The following EPB41L4A variants were observed in gnomAD, a reference collection of about 807,000 sequenced individuals.
EPB41L4A encodes the protein erythrocyte membrane protein band 4.1 like 4A.
In EPB41L4A, 100 loss-of-function variants were observed where a neutral mutation model predicts 108.6. The observed-to-expected ratio is 0.92, with a 90% CI of 0.78 to 1.09. The LOEUF is 1.09. Among genes scored for constraint, EPB41L4A ranks in the 50% least tolerant of loss-of-function variants. The probability of loss-of-function intolerance (pLI) is 0.00; values close to 1 mark genes in which losing one functional copy is unlikely to be tolerated. For missense variants in EPB41L4A, 1,030 were observed against 842.7 expected (o/e 1.22, Z -2.75); for synonymous variants, 319 against 289.0 (o/e 1.10, Z -1.05).
chr5:112,234,788 AAAACC>A, intron 11 of EPB41L4A, 33 bp from the exon 12 acceptor site: 1 of 1,593,908 alleles, frequency 6.3e-7, no homozygotes, highest in Non-Finnish European at 8.6e-7. Context: ...TAGCAAAGGT[AAAACC>A]ACACAGCCAC....
chr5:112,286,421 C>T (rs1580610487), intron 2 of EPB41L4A, among the ~76,000 whole-genome samples: 1 of 152,176 alleles, frequency 6.6e-6, no homozygotes, highest in Non-Finnish European at 1.5e-5. Flanking sequence ...CAGAATCCTA[C>T]ATTTTATTCC....
chr5:112,254,665 A>G (rs1580538582), intron 9 of EPB41L4A, among the ~76,000 whole-genome samples: 4 of 152,072 alleles, frequency 2.6e-5, no homozygotes, highest in Admixed American at 2.6e-4. Context: ...ACATCTCCAG[A>G]GGGAATAGGC....
intron 1 of EPB41L4A, among the ~76,000 whole-genome samples, chr5:112,308,353 A>G (rs1027435768): frequency 6.6e-6 from 1 of 152,190 alleles, no homozygotes; most frequent in Non-Finnish European, 1.5e-5. Flanking sequence ...GAAAATTGCC[A>G]GGATGCGTTT....
At chr5:112,183,249 C>G (rs1213327774) in intron 18 of EPB41L4A, 1 of 152,260 alleles carries the variant, frequency 6.6e-6, no homozygotes. Flanking sequence ...ACCCAACATC[C>G]TTTCATTTCC....
At chr5:112,282,906 A>G (rs1160374550) in intron 2 of EPB41L4A, among the ~76,000 whole-genome samples, 1 of 151,954 alleles carries the variant, frequency 6.6e-6, no homozygotes, top group East Asian at 1.9e-4. Flanking sequence ...TTTTTGATTC[A>G]TTTTGTTTTG....
chr5:112,195,384 T>C (rs1347582786), intron 16 of EPB41L4A, among the ~76,000 whole-genome samples: 1 of 150,650 alleles, frequency 6.6e-6, no homozygotes, highest in African/African-American at 2.4e-5. Context: ...ACTAGATAAA[T>C]AGAGTTGTTG....
chr5:112,254,145 C>A (rs1444239062), intron 9 of EPB41L4A, among the ~76,000 whole-genome samples: 4 of 152,176 alleles, frequency 2.6e-5, no homozygotes, highest in Non-Finnish European at 5.9e-5. Context: ...TTTATTCATT[C>A]TTTCATTTAT....
chr5:112,155,857 A>G (rs1213984136), intron 12 of EPB41L4A, among the ~76,000 whole-genome samples: 3 of 152,186 alleles, frequency 2.0e-5, no homozygotes, highest in Non-Finnish European at 4.4e-5. Context: ...GCCATTTAAA[A>G]TAAAGAGAAA....
intron 12 of EPB41L4A, among the ~76,000 whole-genome samples, chr5:112,155,095 C>T (rs956951732): frequency 6.6e-6 from 1 of 152,078 alleles, no homozygotes; most frequent in Admixed American, 6.5e-5. Context: ...TAGACTTAAT[C>T]TTAAAAGTGG....
At chr5:112,283,716 C>T (rs975286334) in intron 2 of EPB41L4A, among the ~76,000 whole-genome samples, 1 of 152,096 alleles carries the variant, frequency 6.6e-6, no homozygotes, top group African/African-American at 2.4e-5. Context: ...AGACACTGTC[C>T]TTAGTATGGG....
intron 1 of EPB41L4A, among the ~76,000 whole-genome samples, chr5:112,336,857 C>T (rs1234604402): frequency 1.3e-5 from 2 of 152,138 alleles, no homozygotes; most frequent in Non-Finnish European, 2.9e-5. Context: ...TTTCTCAAGG[C>T]CATGTCTAAA....
chr5:112,402,163 G>A (rs1210999226), intron 1 of EPB41L4A, among the ~76,000 whole-genome samples: 1 of 152,082 alleles, frequency 6.6e-6, no homozygotes, highest in African/African-American at 2.4e-5. Flanking sequence ...TCTCATGATA[G>A]TGAGTGAGTT....
chr5:112,274,992 C>T (rs1275717208), intron 4 of EPB41L4A, among the ~76,000 whole-genome samples: 1 of 152,134 alleles, frequency 6.6e-6, no homozygotes, highest in African/African-American at 2.4e-5. Context: ...AACTGAACAT[C>T]AAAATATCCT....
At chr5:112,314,538 A>AAAAAAAGAAAAAAAAAAAAAAAAAG (rs1561563700) in intron 1 of EPB41L4A, among the ~76,000 whole-genome samples, 1 of 111,238 alleles carries the variant, frequency 9.0e-6, no homozygotes, top group African/African-American at 3.6e-5. Flanking sequence ...AAAAAAAAAA[A>AAAAAAAGAAAAAAAAAAAAAAAAAG]GAAAAGAAAT....
chr5:112,265,528 C>T (rs1445364863), intron 5 of EPB41L4A, among the ~76,000 whole-genome samples: 1 of 152,218 alleles, frequency 6.6e-6, no homozygotes, highest in Non-Finnish European at 1.5e-5. Context: ...TATATTACTC[C>T]TATACAAATG....
At chr5:112,167,003 G>A (rs1302232013) in intron 22 of EPB41L4A, among the ~76,000 whole-genome samples, 1 of 151,762 alleles carries the variant, frequency 6.6e-6, no homozygotes, top group Non-Finnish European at 1.5e-5. Flanking sequence ...AGATGCATGT[G>A]AGTTCTTGTA....
intron 1 of EPB41L4A, among the ~76,000 whole-genome samples, chr5:112,369,936 G>A (rs761413999): frequency 6.6e-6 from 1 of 152,160 alleles, no homozygotes; most frequent in Non-Finnish European, 1.5e-5. Context: ...CTGAAGAACT[G>A]TTTCCACCTT....
chr5:112,259,761 C>A, intron 8 of EPB41L4A, 130 bp downstream of exon 8: 1 of 682,542 alleles, frequency 1.5e-6, no homozygotes, highest in South Asian at 1.8e-5. Context: ...AAACTCACAC[C>A]CAATTTCACT....
chr5:112,338,273 C>T (rs770212273), intron 1 of EPB41L4A, among the ~76,000 whole-genome samples: 128 of 152,272 alleles, frequency 8.4e-4, no homozygotes, highest in Admixed American at 1.5e-3. Flanking sequence ...CTTCCCATAG[C>T]AGATCAGCTT....
Sources: allele counts gnomAD v4.1 joint callset (sites outside exome capture counted in the v4.1 genomes callset), GRCh38; gene constraint gnomAD v4.1.1; transcripts MANE v1.5; gene names NCBI Gene and HGNC (gene_info 2026-07-23, HGNC 2026-07-21).